DMP1: variants seen among roughly 807,000 people sequenced by gnomAD.
DMP1 encodes the protein dentin matrix protein 1.
A neutral mutation model predicts 14.6 loss-of-function variants in DMP1; 20 were observed. That is an observed-to-expected ratio of 1.37 (90% CI 0.96 to 1.99). DMP1 has a LOEUF of 1.99. DMP1 is among the 30% of genes most tolerant of loss of function. The pLI is 0.00. For missense variants in DMP1, 567 were observed against 620.5 expected (o/e 0.91, Z 0.92); for synonymous variants, 197 against 215.3 (o/e 0.91, Z 0.75).
Position 87,661,378 on chromosome 4 carries a change from C to G in DMP1, c.184-584C>G, listed in dbSNP as rs1405527368. Among the ~76,000 whole-genome samples the G allele has an allele frequency of 1.2e-4, 19 of 152,056 alleles. No individual in the cohort carries two copies. The South Asian group carries it at 2.3e-3, about 18-fold the overall frequency. On this transcript the variant is annotated intron_variant, in intron 5 of 5. Coordinates refer to ENST00000339673, the MANE Select transcript of DMP1 (RefSeq NM_004407.4). Reference sequence around the variant, plus strand: ...CTGGGACTACAGGCGCCCGCCACCTCGCCCGGCTAATTTTTTGTATTTTTT... The same window carrying G: ...CTGGGACTACAGGCGCCCGCCACCTGGCCCGGCTAATTTTTTGTATTTTTT...
chr4:87,651,266 T>C (rs1158481618), intron 1 of DMP1, among the ~76,000 whole-genome samples: 1 of 152,170 alleles, frequency 6.6e-6, no homozygotes, highest in East Asian at 1.9e-4. Context: ...TACCTGAAAA[T>C]GGTGATGTAA....
At chr4:87,654,587 C>T (rs918607367) in intron 1 of DMP1, among the ~76,000 whole-genome samples, 1 of 151,898 alleles carries the variant, frequency 6.6e-6, no homozygotes, top group African/African-American at 2.4e-5. Context: ...ACAAAGAGTC[C>T]GAGGACTTCA....
intron 1 of DMP1, among the ~76,000 whole-genome samples, chr4:87,652,338 T>C (rs1246238153): frequency 6.6e-6 from 1 of 152,160 alleles, no homozygotes; most frequent in Non-Finnish European, 1.5e-5. Context: ...TTTATAAAAG[T>C]TTGGAGCTCT....
At chr4:87,661,293 T>C (rs942245432) in intron 5 of DMP1, among the ~76,000 whole-genome samples, 19 of 139,298 alleles carry the variant, frequency 1.4e-4, no homozygotes, top group African/African-American at 5.1e-4. Context: ...CAATCTCGGC[T>C]CACTGCAGGC....
chr4:87,657,237 C>A, intron 3 of DMP1, 158 bp downstream of exon 3: 1 of 562,414 alleles, frequency 1.8e-6, no homozygotes, highest in Non-Finnish European at 3.2e-6. Context: ...GCTGTGATTC[C>A]AACTTAGTAG....
intron 3 of DMP1, chr4:87,658,996 T>A: frequency 1.7e-6 from 1 of 581,552 alleles, no homozygotes; most frequent in Non-Finnish European, 3.1e-6. Context: ...ATCAGAAATA[T>A]AAACATTGTC....
rs1242903439 is a variant in DMP1, at chr4:87,662,517, G to A, written c.739G>A (p.Glu247Lys). The change falls in exon 6 of 6, where the codon GAG becomes AAG. Residue 247 changes from glutamate to lysine, a missense_variant. Physicochemically the swap from Glu to Lys is moderately conservative, Grantham distance 56 (BLOSUM62 1). Transcript: ENST00000339673. ...MKSKESGENS[E>K]QANTQDSGGS... The stretch of plus-strand genomic sequence containing the variant: ...ATCAAAAGAATCTGGAGAAAACAGT[G>A]AGCAAGCAAACACTCAAGATTCAGG... 3 of 1,614,188 alleles carry A rather than the reference G, an allele frequency of 1.9e-6. No individual in the cohort carries two copies. Among genetic ancestry groups the A allele is most frequent in the Admixed American group, 1.7e-5 (1 of 60,026 alleles).
intron 3 of DMP1, among the ~76,000 whole-genome samples, chr4:87,658,084 G>C (rs1728750286): frequency 6.6e-6 from 1 of 152,206 alleles, no homozygotes; most frequent in African/African-American, 2.4e-5. Context: ...CTGTTCTCAA[G>C]TCTAGCCTTG....
chr4:87,656,070 C>G (rs1728682014), intron 1 of DMP1, among the ~76,000 whole-genome samples: 1 of 152,182 alleles, frequency 6.6e-6, no homozygotes, highest in African/African-American at 2.4e-5. Flanking sequence ...ATACATGGAA[C>G]AGTTTCATCA....
Position 87,662,182 on chromosome 4 carries a change from G to A in DMP1, c.404G>A (p.Gly135Glu), listed in dbSNP as rs1560493831. 2 of 1,614,100 alleles carry A rather than the reference G, an allele frequency of 1.2e-6. No individual in the cohort carries two copies. Among genetic ancestry groups the A allele is most frequent in the Non-Finnish European group, 1.7e-6 (2 of 1,180,062 alleles). ...CAAGAAGGAGGAAACTCCAGACTGG[G>A]AAGTGATGAGGACTCTGATGACACC... ...DRQEGGNSRL[G>E]SDEDSDDTIQ... Residue 135 changes from glycine to glutamate, a missense_variant, in exon 6 of 6, where the codon GGA (glycine) becomes GAA (glutamate). By Grantham distance (98) the Gly-to-Glu change is moderately conservative. Transcript: ENST00000339673.
At chr4:87,651,726 A>T (rs768531931) in intron 1 of DMP1, among the ~76,000 whole-genome samples, 30 of 152,102 alleles carry the variant, frequency 2.0e-4, no homozygotes, top group Non-Finnish European at 3.4e-4. Context: ...GCATGTTCAT[A>T]AATATTTACT....
At chr4:87,652,084 A>G (rs912702398) in intron 1 of DMP1, among the ~76,000 whole-genome samples, 4 of 152,198 alleles carry the variant, frequency 2.6e-5, no homozygotes, top group Non-Finnish European at 5.9e-5. Context: ...TCACAGGGGC[A>G]GAAATTCTCT....
At chr4:87,653,287 G>A (rs1728570030) in intron 1 of DMP1, among the ~76,000 whole-genome samples, 1 of 149,372 alleles carries the variant, frequency 6.7e-6, no homozygotes, top group South Asian at 2.1e-4. Context: ...CTTATCTTAG[G>A]ATTTCTATTA....
chr4:87,659,590 T>C (rs1473948276), intron 5 of DMP1, 112 bp downstream of exon 5: 2 of 1,071,040 alleles, frequency 1.9e-6, no homozygotes, highest in African/African-American at 3.1e-5. Flanking sequence ...TAACTATGAG[T>C]TATGCTGGCT....
In DMP1 at chr4:87,662,994, A is replaced by G. The variant is rs1578156411; in HGVS notation, c.1216A>G (p.Ser406Gly). 1 of 1,614,218 alleles carries G rather than the reference A, an allele frequency of 6.2e-7. No individual in the cohort carries two copies. The highest frequency in any genetic ancestry group is 8.5e-7 in the Non-Finnish European group (1 of 1,180,028). The change falls in exon 6 of 6, where the codon AGC (serine) becomes GGC (glycine). Residue 406 changes from serine to glycine, a missense_variant. Ser to Gly is a moderately conservative substitution (Grantham distance 56). Coordinates refer to ENST00000339673, the MANE Select transcript of DMP1 (RefSeq NM_004407.4). ...KSESREEQAD[S>G]ESSESLNFSE... ...TGAATCCAGAGAGGAGCAAGCAGAC[A>G]GCGAATCCAGTGAGAGCCTCAACTT...
At chr4:87,654,311 T>A (rs1056527310) in intron 1 of DMP1, among the ~76,000 whole-genome samples, 4 of 152,046 alleles carry the variant, frequency 2.6e-5, no homozygotes, top group Non-Finnish European at 5.9e-5. Flanking sequence ...CTAGTTTCTA[T>A]GGTTAGTCTC....
chr4:87,656,585 A>C, intron 2 of DMP1, 39 bp downstream of exon 2: 6 of 1,413,298 alleles, frequency 4.2e-6, no homozygotes, highest in Non-Finnish European at 5.0e-6. Flanking sequence ...AAACCCTTTC[A>C]TACTTAAAAC....
In DMP1 at chr4:87,662,728, C is replaced by T. The variant is rs762720745; in HGVS notation, c.950C>T (p.Ser317Phe). The T allele has an allele frequency of 3.1e-6, 5 of 1,614,122 alleles. No homozygotes were observed. Among genetic ancestry groups the T allele is most frequent in the Non-Finnish European group, 8.5e-7 (1 of 1,180,032 alleles). ...CCCAGGAGAGACAGCAAGGGTGACTCTCAAGAAGACAGCAAGGAGAATCTG... is the reference window on the plus strand; with the variant it reads ...CCCAGGAGAGACAGCAAGGGTGACTTTCAAGAAGACAGCAAGGAGAATCTG... ...SQPRRDSKGD[S>F]QEDSKENLSQ... Residue 317 changes from serine (S) to phenylalanine (F), a missense_variant, in exon 6 of 6, where the codon TCT (serine) becomes TTT (phenylalanine). Coordinates refer to ENST00000339673, the MANE Select transcript of DMP1 (RefSeq NM_004407.4).
At chr4:87,659,187 G>C (rs1184956402) in intron 3 of DMP1, 33 bp from the exon 4 acceptor site, 2 of 1,609,938 alleles carry the variant, frequency 1.2e-6, no homozygotes, top group African/African-American at 2.7e-5. Flanking sequence ...CTGTGAGGGA[G>C]TAATTTGTTT....
Sources: allele counts gnomAD v4.1 joint callset (sites outside exome capture counted in the v4.1 genomes callset), GRCh38; gene constraint gnomAD v4.1.1; transcripts MANE v1.5; gene names NCBI Gene and HGNC (gene_info 2026-07-23, HGNC 2026-07-21).